ABI1: variants seen among roughly 807,000 people sequenced by gnomAD.
ABI1 encodes the protein abl interactor 1.
Under a neutral mutation model 54.6 loss-of-function variants are expected in ABI1, and 14 were observed. The ratio of observed to expected loss-of-function variants is 0.26; its 90% CI spans 0.17 to 0.40. ABI1 has a LOEUF of 0.40. ABI1 is among the 10% of genes least tolerant of loss of function. The pLI, the probability that ABI1 is intolerant of heterozygous loss-of-function variation, is 1.00. For synonymous variants in ABI1, 194 were observed against 209.3 expected (o/e 0.93, Z 0.63); for missense variants, 443 against 598.3 (o/e 0.74, Z 2.71).
chr10:26,848,605 C>CTTTTTT (rs35694402), intron 1 of ABI1, among the ~76,000 whole-genome samples: 8 of 107,386 alleles, frequency 7.4e-5, no homozygotes, highest in Non-Finnish European at 1.1e-4. Flanking sequence ...TAAGAAGAGG[C>CTTTTTT]TTTTTTTTTT....
intron 7 of ABI1, chr10:26,764,028 G>A: frequency 8.1e-7 from 1 of 1,239,320 alleles, no homozygotes; most frequent in Non-Finnish European, 1.1e-6. Context: ...GAAACAGCAA[G>A]AAAGTACAAT....
chr10:26,788,089 C>T (rs1203728759), intron 2 of ABI1, among the ~76,000 whole-genome samples: 1 of 152,162 alleles, frequency 6.6e-6, no homozygotes. Flanking sequence ...ATTTTAATCA[C>T]GGGGTCGGTT....
At chr10:26,785,142 T>G (rs1842581165) in intron 2 of ABI1, among the ~76,000 whole-genome samples, 1 of 152,228 alleles carries the variant, frequency 6.6e-6, no homozygotes, top group African/African-American at 2.4e-5. Context: ...CCAGCCTCTG[T>G]CGGTAAGATT....
In ABI1 at chr10:26,799,839, T is replaced by C. The variant is rs563269623; in HGVS notation, c.286-22598A>G. Reference sequence around the variant, plus strand: ...TAATTGAAAAAAATTCCTCTGACAGTACATTTTGCTGCTCTCTTTCAAAAT... The same window carrying C: ...TAATTGAAAAAAATTCCTCTGACAGCACATTTTGCTGCTCTCTTTCAAAAT... On this transcript the variant is annotated intron_variant, in intron 2 of 10. Coordinates refer to ENST00000376140, the MANE Select transcript of ABI1 (RefSeq NM_001012750.3). 2.3e-4 allele frequency among the ~76,000 whole-genome samples: 35 copies of C among 152,260 alleles called. No homozygotes were observed. The South Asian group carries it at 6.4e-3, about 28-fold the overall frequency.
chr10:26,808,558 CAAA>C (rs1343024551), intron 2 of ABI1, among the ~76,000 whole-genome samples: 3 of 151,640 alleles, frequency 2.0e-5, no homozygotes, highest in African/African-American at 7.3e-5. Context: ...CCCATTTCTG[CAAA>C]AAATACAAAA....
At chr10:26,759,416 A>G (rs2132534090) in intron 7 of ABI1, among the ~76,000 whole-genome samples, 178 bp from the exon 8 acceptor site, 1 of 152,318 alleles carries the variant, frequency 6.6e-6, no homozygotes, top group African/African-American at 2.4e-5. Flanking sequence ...TCCAAAGTCA[A>G]AAACAGAGAG....
In ABI1 at chr10:26,860,785, T is replaced by A. The variant is rs747964354; in HGVS notation, c.79A>T (p.Thr27Ser). 1.9e-6 allele frequency: 3 copies of A among 1,614,088 alleles called. No individual in the cohort carries two copies. In the South Asian group the frequency reaches 3.3e-5, roughly 18 times the overall value. Residue 27 changes from threonine to serine, a missense_variant, in exon 1 of 11, where the codon ACT (threonine) becomes TCT (serine). Around this residue, in one of 2 missense-constraint regions of ABI1, gnomAD observed 394 missense variants for 484.8 expected, o/e 0.81. Transcript: ENST00000376140. The surrounding 1 kb of genome is among the most constrained non-coding windows in gnomAD (Gnocchi z 4.1). ...TTTTCACAGTAGTCTGCCACCCGAGTCAGGTTCTGGTAACTCTCGATCAGC... is the reference window on the plus strand; with the variant it reads ...TTTTCACAGTAGTCTGCCACCCGAGACAGGTTCTGGTAACTCTCGATCAGC... ...RALIESYQNL[T>S]RVADYCENNY... is the part of the protein sequence containing the mutation.
rs112378488 is a variant in ABI1 at position 26,770,060 on chromosome 10, T to C, written c.578+185A>G. Among the ~76,000 whole-genome samples, 917 of 152,326 alleles carry C rather than the reference T, an allele frequency of 6.0e-3. 11 individuals carry two copies. Among genetic ancestry groups the C allele is most frequent in the African/African-American group, 0.021 (856 of 41,584 alleles). On this transcript the variant is annotated intron_variant, in intron 5 of 10. Transcript: ENST00000376140. ...CTTTCCTAGTACAGATTATAGAGAA[T>C]ATTACAAAGCTGGCAGATTCATTTG...
At chr10:26,812,656 A>G (rs1489346411) in intron 2 of ABI1, among the ~76,000 whole-genome samples, 1 of 152,196 alleles carries the variant, frequency 6.6e-6, no homozygotes, top group Non-Finnish European at 1.5e-5. Context: ...AGGAAGCTAC[A>G]AGTCCAAGAT....
intron 1 of ABI1, among the ~76,000 whole-genome samples, chr10:26,849,707 A>G (rs182420409): frequency 1.1e-3 from 175 of 152,366 alleles, no homozygotes; most frequent in Non-Finnish European, 1.9e-3. Flanking sequence ...TCAAGCTTTC[A>G]AGCAAAAACT....
chr10:26,790,292 C>T (rs1438771618), intron 2 of ABI1, among the ~76,000 whole-genome samples: 2 of 152,150 alleles, frequency 1.3e-5, no homozygotes, highest in Admixed American at 6.5e-5. Context: ...TCGCCAGCAT[C>T]TGTTATTTTT....
In ABI1 at chr10:26,759,188, T is replaced by C. The variant is rs1838765795; in HGVS notation, c.871A>G (p.Ile291Val). ...GSQYGTMTRQISRHNSTTSST... is the reference protein window; with the variant it reads ...GSQYGTMTRQVSRHNSTTSST... ...GAAGTAGTAGAGTTGTGTCGAGATATCTGCCTGGTCATTGTGCCATACTGG... is the reference window on the plus strand; with the variant it reads ...GAAGTAGTAGAGTTGTGTCGAGATACCTGCCTGGTCATTGTGCCATACTGG... The change falls in exon 8 of 11, where the codon ATA becomes GTA. Residue 291 changes from isoleucine to valine, a missense_variant. Coordinates refer to ENST00000376140, the MANE Select transcript of ABI1 (RefSeq NM_001012750.3). The C allele has an allele frequency of 1.2e-6, 2 of 1,614,028 alleles. No individual in the cohort carries two copies. Among genetic ancestry groups the C allele is most frequent in the Non-Finnish European group, 8.5e-7 (1 of 1,179,998 alleles).
chr10:26,814,674 T>C (rs1415743075), intron 2 of ABI1, among the ~76,000 whole-genome samples: 2 of 152,094 alleles, frequency 1.3e-5, no homozygotes, highest in African/African-American at 2.4e-5. Flanking sequence ...AAAGGACTTA[T>C]CAGTAATTAC....
chr10:26,839,667 C>A (rs76565453), intron 1 of ABI1: 68,803 of 545,168 alleles, frequency 0.13, 4,344 homozygotes, highest in African/African-American at 0.3. Context: ...AAAAAAAAAA[C>A]ATGCCAGGCT....
At position 26,823,177 on chromosome 10, in the gene ABI1, C is replaced by G; in HGVS notation, c.246G>C (p.Gln82His). 1 of 1,600,678 alleles carries G rather than the reference C, an allele frequency of 6.2e-7. No homozygotes were observed. Among genetic ancestry groups the G allele is most frequent in the South Asian group, 1.1e-5 (1 of 87,454 alleles). Reference sequence around the variant, plus strand: ...TGATGGAAGACTCCATTCTCCGAAGCTGAGAGGCTTGGATATCCAGCAACT... The same window carrying G: ...TGATGGAAGACTCCATTCTCCGAAGGTGAGAGGCTTGGATATCCAGCAACT... ...VLQLLDIQAS[Q>H]LRRMESSINH... Residue 82 changes from glutamine (Q) to histidine (H), a missense_variant, in exon 2 of 11, where the codon CAG becomes CAC. Coordinates refer to ENST00000376140, the MANE Select transcript of ABI1 (RefSeq NM_001012750.3).
intron 2 of ABI1, among the ~76,000 whole-genome samples, chr10:26,786,646 A>C (rs965802783): frequency 6.6e-6 from 1 of 152,194 alleles, no homozygotes; most frequent in Non-Finnish European, 1.5e-5. Flanking sequence ...GAAAATATTG[A>C]GATTTCAATG....
intron 9 of ABI1, 54 bp downstream of exon 9, chr10:26,755,601 A>G (rs1838200866): frequency 7.2e-7 from 1 of 1,383,732 alleles, no homozygotes; most frequent in Non-Finnish European, 1.0e-6. Context: ...TCAGCCATGC[A>G]TGCTATAAGG....
intron 3 of ABI1, among the ~76,000 whole-genome samples, chr10:26,775,948 T>C (rs1283955541): frequency 6.6e-6 from 1 of 152,118 alleles, no homozygotes; most frequent in Non-Finnish European, 1.5e-5. Context: ...CCAAGGTGGA[T>C]AGTAACACAA....
chr10:26,755,170 C>T (rs1027288052), intron 9 of ABI1, among the ~76,000 whole-genome samples: 10 of 152,132 alleles, frequency 6.6e-5, no homozygotes, highest in African/African-American at 1.2e-4. Flanking sequence ...GGTTCAATAT[C>T]ATGTATGTAC....
Sources: gnomAD v4.1 joint callset for allele counts (sites outside exome capture counted in the v4.1 genomes callset) on GRCh38, gnomAD v4.1.1 for gene constraint, gnomAD v4.1.1 regional missense constraint, Gnocchi (gnomAD v3.1) non-coding constraint, MANE v1.5 for transcripts, NCBI Gene and HGNC (gene_info 2026-07-23, HGNC 2026-07-21) for gene names.